The following NEO1 variants were observed in gnomAD, a reference collection of about 807,000 sequenced individuals.
The protein encoded by NEO1 is neogenin 1.
NEO1 carries 63 observed loss-of-function variants against 159.7 expected under a neutral mutation model. The ratio of observed to expected loss-of-function variants is 0.39; its 90% confidence interval spans 0.32 to 0.49. NEO1 has a LOEUF of 0.49. Among genes scored for constraint, NEO1 ranks in the 20% least tolerant of loss-of-function variants. NEO1 has a pLI of 0.85. For synonymous variants in NEO1, 633 were observed against 662.0 expected (o/e 0.96, Z 0.67); for missense variants, 1,615 against 1,831.0 (o/e 0.88, Z 2.15).
chr15:73,078,253 C>T (rs1199350165), intron 1 of NEO1, among the ~76,000 whole-genome samples: 1 of 151,984 alleles, frequency 6.6e-6, no homozygotes, highest in Non-Finnish European at 1.5e-5. Context: ...GGAAAGTGTT[C>T]CCTGTTCAAG....
chr15:73,175,359 C>T (rs906390531), intron 5 of NEO1, among the ~76,000 whole-genome samples: 1 of 152,094 alleles, frequency 6.6e-6, no homozygotes, highest in Non-Finnish European at 1.5e-5. Context: ...TTTGAAATAC[C>T]TAGGTATTTA....
chr15:73,140,052 A>G (rs1023820808), intron 5 of NEO1, among the ~76,000 whole-genome samples: 1 of 152,236 alleles, frequency 6.6e-6, no homozygotes, highest in African/African-American at 2.4e-5. Flanking sequence ...TAATATTTGA[A>G]AAAGTGGTTG....
At chr15:73,262,399 T>G (rs1397574350) in intron 15 of NEO1, among the ~76,000 whole-genome samples, 1 of 152,088 alleles carries the variant, frequency 6.6e-6, no homozygotes, top group African/African-American at 2.4e-5. Context: ...ATAAAAACTC[T>G]TACAACTCAA....
At chr15:73,165,691 A>T (rs2034525305) in intron 5 of NEO1, among the ~76,000 whole-genome samples, 1 of 152,208 alleles carries the variant, frequency 6.6e-6, no homozygotes, top group African/African-American at 2.4e-5. Flanking sequence ...TGAGGTTGGA[A>T]CAAAAGTTTA....
intron 7 of NEO1, among the ~76,000 whole-genome samples, chr15:73,197,425 T>G (rs2036588247): frequency 6.6e-6 from 1 of 152,154 alleles, no homozygotes; most frequent in Non-Finnish European, 1.5e-5. Context: ...ATTTATATTA[T>G]TGCTTTATAT....
At chr15:73,108,492 A>T (rs1040263348) in intron 1 of NEO1, among the ~76,000 whole-genome samples, 5 of 152,218 alleles carry the variant, frequency 3.3e-5, no homozygotes, top group South Asian at 4.1e-4. Flanking sequence ...ACTAATACTT[A>T]ATTCCATCTT....
In NEO1 at chr15:73,209,955, A is replaced by G. The variant is rs533217445; in HGVS notation, c.1292-26392A>G. 1.2e-4 allele frequency among the ~76,000 whole-genome samples: 19 copies of G among 152,270 alleles called. No individual in the cohort carries two copies. The South Asian group carries it at 3.7e-3, about 30-fold the overall frequency. On this transcript the variant is annotated intron_variant, in intron 7 of 28. Transcript: ENST00000261908. ...GAGGCGGAGGTTGCAGGGAGCCGAGATCGCACCATTGCACTCCAGCCTGGG... is the reference window on the plus strand; with the variant it reads ...GAGGCGGAGGTTGCAGGGAGCCGAGGTCGCACCATTGCACTCCAGCCTGGG...
At chr15:73,093,533 G>A (rs907320118) in intron 1 of NEO1, among the ~76,000 whole-genome samples, 19 of 147,676 alleles carry the variant, frequency 1.3e-4, no homozygotes, top group African/African-American at 3.7e-4. Flanking sequence ...CCTTTATTTT[G>A]TTGCTTAAAT....
intron 7 of NEO1, among the ~76,000 whole-genome samples, chr15:73,180,246 G>A (rs2035522899): frequency 6.6e-6 from 1 of 152,108 alleles, no homozygotes. Context: ...GGCAAAGATG[G>A]CACCTACTCT....
chr15:73,138,808 A>C lies in NEO1; in HGVS notation c.1015+2781A>C, dbSNP rs545268076. Among the ~76,000 whole-genome samples, 92 of 152,142 alleles carry C rather than the reference A, an allele frequency of 6.0e-4. 1 individual carries two copies. In the South Asian group the frequency reaches 0.016, roughly 26 times the overall value. On this transcript the variant is annotated intron_variant, in intron 5 of 28. Coordinates refer to ENST00000261908, the MANE Select transcript of NEO1 (RefSeq NM_002499.4). ...AAAAACAAAGGGGGAGTTTTAAAAC[A>C]GCTCCCAGATTCTTTGACTATCCTT...
chr15:73,161,543 C>T (rs928127798), intron 5 of NEO1, among the ~76,000 whole-genome samples: 1 of 152,158 alleles, frequency 6.6e-6, no homozygotes, highest in Admixed American at 6.5e-5. Flanking sequence ...CTACTGTGTC[C>T]TATCATAACA....
intron 22 of NEO1, among the ~76,000 whole-genome samples, chr15:73,279,351 G>GTGTTTTTTTTTTTTTT (rs2041576404): frequency 8.4e-6 from 1 of 119,348 alleles, no homozygotes; most frequent in Non-Finnish European, 1.7e-5. Flanking sequence ...TTTGGTTTTG[G>GTGTTTTTTTTTTTTTT]TTTTTTTTTT....
At chr15:73,143,587 G>A (rs2032616753) in intron 5 of NEO1, 1 of 152,784 alleles carries the variant, frequency 6.5e-6, no homozygotes, top group Admixed American at 6.5e-5. Flanking sequence ...CCCAGGCTCT[G>A]CCTCATCCCT....
chr15:73,259,185 A>G, intron 14 of NEO1: 1 of 235,794 alleles, frequency 4.2e-6, no homozygotes, highest in Non-Finnish European at 8.4e-6. Context: ...AGCCACATAA[A>G]TCATGCCTTT....
At chr15:73,251,854 A>T (rs2040089032) in intron 11 of NEO1, among the ~76,000 whole-genome samples, 1 of 152,210 alleles carries the variant, frequency 6.6e-6, no homozygotes, top group African/African-American at 2.4e-5. Flanking sequence ...TTTCTGATCT[A>T]CAAAATAGGA....
rs199622765 is a variant in NEO1 at position 73,108,379 on chromosome 15, CA to C, written c.131-8158del. Among the ~76,000 whole-genome samples, 1,057 of 152,150 alleles carry C rather than the reference CA, an allele frequency of 6.9e-3. 14 individuals carry two copies. The highest frequency in any genetic ancestry group is 0.024 in the African/African-American group (1,007 of 41,512). ...TAAGAAGTTACATAAAACATTTTTA[CA>C]AAGGACAGACTTCAAGTCATCTTGA... On this transcript the variant is annotated intron_variant, in intron 1 of 28. Transcript: ENST00000261908.
chr15:73,065,974 T>G (rs7497107), intron 1 of NEO1, among the ~76,000 whole-genome samples: 200 of 152,224 alleles, frequency 1.3e-3, no homozygotes, highest in African/African-American at 4.5e-3. Flanking sequence ...TATTGAATTC[T>G]TAATTTCATT....
intron 7 of NEO1, among the ~76,000 whole-genome samples, chr15:73,213,273 T>C (rs542208655): frequency 6.6e-5 from 10 of 152,190 alleles, no homozygotes; most frequent in Admixed American, 3.3e-4. Context: ...CTGTAGCATT[T>C]ATTTATTTTC....
chr15:73,112,281 T>C (rs1567218643), intron 1 of NEO1, among the ~76,000 whole-genome samples: 1 of 152,150 alleles, frequency 6.6e-6, no homozygotes, highest in African/African-American at 2.4e-5. Context: ...CAGCCACCTA[T>C]TTGTATAAAT....
Sources: gnomAD v4.1 joint callset for allele counts (sites outside exome capture counted in the v4.1 genomes callset) on GRCh38, gnomAD v4.1.1 for gene constraint, MANE v1.5 for transcripts, NCBI Gene and HGNC (gene_info 2026-07-23, HGNC 2026-07-21) for gene names.